Variants in PPP1R21 observed in about 807,000 individuals in gnomAD.
PPP1R21 encodes the protein KLRAQ motif containing 1.
Under a neutral mutation model 112.8 loss-of-function variants are expected in PPP1R21, and 85 were observed. The ratio of observed to expected loss-of-function variants is 0.75; its 90% CI spans 0.63 to 0.90. PPP1R21 has a LOEUF of 0.90. PPP1R21 is among the 40% of genes least tolerant of loss of function. The probability of loss-of-function intolerance (pLI) is 0.00; values close to 1 mark genes in which losing one functional copy is unlikely to be tolerated. For synonymous variants in PPP1R21, 381 were observed against 322.3 expected (o/e 1.18, Z -1.95); for missense variants, 1,199 against 901.5 (o/e 1.33, Z -4.23).
At chr2:48,444,210 C>T (rs565610174) in intron 1 of PPP1R21, among the ~76,000 whole-genome samples, 8 of 152,054 alleles carry the variant, frequency 5.3e-5, no homozygotes, top group African/African-American at 1.7e-4. Context: ...AGATTAAGAC[C>T]CAGTGGTTTG....
At chr2:48,446,532 A>G (rs1667254816) in intron 1 of PPP1R21, among the ~76,000 whole-genome samples, 1 of 152,212 alleles carries the variant, frequency 6.6e-6, no homozygotes, top group Non-Finnish European at 1.5e-5. Flanking sequence ...GCAATCTCTT[A>G]TATAATGTAT....
In PPP1R21 at chr2:48,461,860, C is replaced by G. The variant is rs78217048; in HGVS notation, c.694+628C>G. On this transcript the variant is annotated intron_variant, in intron 7 of 21. Coordinates refer to ENST00000294952, the MANE Select transcript of PPP1R21 (RefSeq NM_001135629.3). ...TCAAATTGATGCACATTTCCTTTTTCTGTAATCACATGATTGAAATTAATA... is the reference window on the plus strand; with the variant it reads ...TCAAATTGATGCACATTTCCTTTTTGTGTAATCACATGATTGAAATTAATA... Among the ~76,000 whole-genome samples the G allele has an allele frequency of 5.6e-3, 847 of 152,032 alleles. 12 individuals carry two copies. The highest frequency in any genetic ancestry group is 0.019 in the African/African-American group (802 of 41,466).
Position 48,474,832 on chromosome 2 carries a change from G to A in PPP1R21, c.1225+13G>A, listed in dbSNP as rs536556309. The A allele has an allele frequency of 2.0e-5, 33 of 1,609,974 alleles. No individual in the cohort carries two copies. The highest frequency in any genetic ancestry group is 2.7e-5 in the Non-Finnish European group (32 of 1,178,340). ...CTTGCCTTGCCAAGTAAGTATGTTT[G>A]TTGCTTAGGGGTCAACTTCAAGGAC... On this transcript the variant is annotated intron_variant, in intron 12 of 21. Coordinates refer to ENST00000294952, the MANE Select transcript of PPP1R21 (RefSeq NM_001135629.3).
intron 13 of PPP1R21, among the ~76,000 whole-genome samples, chr2:48,483,055 CGTTA>C (rs1016965195): frequency 5.3e-5 from 8 of 151,924 alleles, no homozygotes; most frequent in Non-Finnish European, 8.8e-5. Context: ...TCTGTTTCTG[CGTTA>C]GTTTGCTGAA....
chr2:48,456,787 T>C (rs1233080870), intron 3 of PPP1R21, among the ~76,000 whole-genome samples: 1 of 152,216 alleles, frequency 6.6e-6, no homozygotes, highest in Non-Finnish European at 1.5e-5. Context: ...GCACAGTGGC[T>C]CACGCCTGTA....
chr2:48,469,330 TA>T (rs1668362559), intron 9 of PPP1R21, among the ~76,000 whole-genome samples: 1 of 23,988 alleles, frequency 4.2e-5, no homozygotes. Context: ...CATATATATA[TA>T]GAGCATATAT....
Position 48,454,667 on chromosome 2 carries a change from C to G in PPP1R21, c.199C>G (p.Leu67Val), listed in dbSNP as rs1667634713. ...QEMDSLTFRN[L>V]QLAKRVELLQ... ...AATGGACAGTTTGACATTTCGAAATCTGCAGCTTGCCAAGAGGGTAGAACT... is the reference window on the plus strand; with the variant it reads ...AATGGACAGTTTGACATTTCGAAATGTGCAGCTTGCCAAGAGGGTAGAACT... The change falls in exon 3 of 22, where the codon CTG becomes GTG. Residue 67 changes from leucine to valine, a missense_variant. Transcript: ENST00000294952. 1 of 1,613,994 alleles carries G rather than the reference C, an allele frequency of 6.2e-7. No individual in the cohort carries two copies. Among genetic ancestry groups the G allele is most frequent in the Non-Finnish European group, 8.5e-7 (1 of 1,179,990 alleles).
At chr2:48,487,069 T>G (rs1669334671) in intron 14 of PPP1R21, among the ~76,000 whole-genome samples, 1 of 152,228 alleles carries the variant, frequency 6.6e-6, no homozygotes, top group Non-Finnish European at 1.5e-5. Flanking sequence ...AATGTGACAG[T>G]GACTGTTTAG....
chr2:48,470,837 TTCC>T (rs947225556), intron 9 of PPP1R21, among the ~76,000 whole-genome samples: 1 of 152,188 alleles, frequency 6.6e-6, no homozygotes, highest in African/African-American at 2.4e-5. Context: ...CCTCTTCTAG[TTCC>T]TCGATTTAGA....
chr2:48,507,166 T>C, intron 18 of PPP1R21, 103 bp from the exon 19 acceptor site: 10 of 1,389,374 alleles, frequency 7.2e-6, no homozygotes, highest in Non-Finnish European at 8.4e-6. Flanking sequence ...CCATCAAAGT[T>C]CAAGTGAGAA....
chr2:48,512,828 CA>C (rs36092516), intron 21 of PPP1R21, among the ~76,000 whole-genome samples: 35,418 of 151,992 alleles, frequency 0.23, 4,797 homozygotes, highest in Non-Finnish European at 0.31. Context: ...AGTTGGCGAT[CA>C]GGGGGCTGGT....
At chr2:48,488,258 T>C (rs1275834898) in intron 14 of PPP1R21, among the ~76,000 whole-genome samples, 10 of 152,162 alleles carry the variant, frequency 6.6e-5, no homozygotes, top group Non-Finnish European at 1.2e-4. Flanking sequence ...TTTCACCTCC[T>C]TCATCCACGG....
intron 11 of PPP1R21, among the ~76,000 whole-genome samples, chr2:48,472,640 G>T (rs967366108): frequency 1.3e-5 from 2 of 151,566 alleles, no homozygotes; most frequent in African/African-American, 4.8e-5. Context: ...AAAAAAAAAG[G>T]TTAATTACTT....
At chr2:48,468,583 C>T (rs568556494) in intron 9 of PPP1R21, among the ~76,000 whole-genome samples, 4 of 152,168 alleles carry the variant, frequency 2.6e-5, no homozygotes, top group South Asian at 2.1e-4. Flanking sequence ...GAGGCTGAGG[C>T]GGGTGGATCG....
chr2:48,494,563 C>A (rs1366474520), intron 15 of PPP1R21, among the ~76,000 whole-genome samples: 1 of 151,006 alleles, frequency 6.6e-6, no homozygotes, highest in African/African-American at 2.4e-5. Context: ...CAGGATCCTG[C>A]CACCTCCCCC....
intron 18 of PPP1R21, among the ~76,000 whole-genome samples, chr2:48,506,175 A>T (rs146840445): frequency 2.0e-5 from 3 of 152,134 alleles, no homozygotes; most frequent in Non-Finnish European, 4.4e-5. Context: ...GCTTACTGCA[A>T]CCTCTGCCTC....
At chr2:48,453,260 G>A (rs1289715556) in intron 2 of PPP1R21, among the ~76,000 whole-genome samples, 1 of 151,930 alleles carries the variant, frequency 6.6e-6, no homozygotes, top group Non-Finnish European at 1.5e-5. Flanking sequence ...GGCCTAGGTT[G>A]CTGTTTCAAT....
At position 48,495,788 on chromosome 2, in the gene PPP1R21, AT is replaced by A; in HGVS notation, c.1692+19del. On this transcript the variant is annotated intron_variant, in intron 16 of 21. Transcript: ENST00000294952. ...GCACAGCAAGTATGGCACTGGGAAA[AT>A]TATGGAAATTGTTAAAGAACAGAAA... 2 of 1,388,644 alleles carry A rather than the reference AT, an allele frequency of 1.4e-6. No individual in the cohort carries two copies. The highest frequency in any genetic ancestry group is 2.1e-6 in the Non-Finnish European group (2 of 975,388). The allele number at this position is 1,388,644 out of a possible 1,614,324, so 86.0% of individuals were successfully genotyped here. A position where few individuals can be genotyped will look rare whatever the true frequency, so the allele number is the denominator to read the frequency against.
intron 16 of PPP1R21, 90 bp from the exon 17 acceptor site, chr2:48,498,403 G>C: frequency 7.5e-7 from 1 of 1,336,142 alleles, no homozygotes; most frequent in African/African-American, 1.5e-5. Context: ...CTGTGGGGTA[G>C]TTTTGGTTTA....
Sources: allele counts gnomAD v4.1 joint callset (sites outside exome capture counted in the v4.1 genomes callset), GRCh38; gene constraint gnomAD v4.1.1; transcripts MANE v1.5; gene names NCBI Gene and HGNC (gene_info 2026-07-23, HGNC 2026-07-21).